Variants in PALLD observed in about 807,000 individuals in gnomAD.
PALLD encodes palladin.
PALLD carries 61 observed loss-of-function variants against 123.5 expected under a neutral mutation model. The observed-to-expected ratio is 0.49, with a 90% CI of 0.40 to 0.61. The LOEUF (loss-of-function observed/expected upper bound fraction) is 0.61, where lower values mean the gene tolerates loss of function less well. Among genes scored for constraint, PALLD ranks in the 20% least tolerant of loss-of-function variants. The pLI is 0.00. For synonymous variants in PALLD, 465 were observed against 496.4 expected (o/e 0.94, Z 0.84); for missense variants, 1,273 against 1,377.0 (o/e 0.92, Z 1.20).
Position 168,711,665 on chromosome 4 carries a change from T to G in PALLD, c.1706T>G (p.Leu569Trp), listed in dbSNP as rs1203221020. The change falls in exon 10 of 22, where the codon TTG becomes TGG. Residue 569 changes from leucine to tryptophan, a missense_variant. Leu to Trp is a moderately conservative substitution (Grantham distance 61). This residue lies in a region of PALLD where 944 missense variants were observed against 954.5 expected (regional missense o/e 0.99). Coordinates refer to ENST00000505667, the MANE Select transcript of PALLD (RefSeq NM_001166108.2). ...CACTTTCCACCTCCCCCTCCAATCT[T>G]GGAGACAAGTTCCTTGGAGTTGGCT... is the stretch of plus-strand genomic sequence containing the variant. ...FQHFPPPPPI[L>W]ETSSLELASK... The G allele has an allele frequency of 6.2e-7, 1 of 1,614,080 alleles. No individual in the cohort carries two copies.
intron 10 of PALLD, among the ~76,000 whole-genome samples, chr4:168,725,349 A>T (rs1193949434): frequency 6.6e-6 from 1 of 152,106 alleles, no homozygotes; most frequent in Non-Finnish European, 1.5e-5. Flanking sequence ...TTCTGGAAAG[A>T]CCACAAATAT....
At position 168,543,505 on chromosome 4, in the gene PALLD, A is replaced by T. The variant is rs542440302; in HGVS notation, c.908+31093A>T. Reference sequence around the variant, plus strand: ...TCCGCCACAGTTGTAAGAGAGAGACATTTCTACCTCCATAATGGTGTAGAT... The same window carrying T: ...TCCGCCACAGTTGTAAGAGAGAGACTTTTCTACCTCCATAATGGTGTAGAT... On this transcript the variant is annotated intron_variant, in intron 2 of 21. Coordinates refer to ENST00000505667, the MANE Select transcript of PALLD (RefSeq NM_001166108.2). 5.6e-4 allele frequency among the ~76,000 whole-genome samples: 85 copies of T among 152,120 alleles called. 3 individuals carry two copies. The South Asian group carries it at 0.012, about 22-fold the overall frequency.
chr4:168,854,416 A>G (rs942300619), intron 10 of PALLD, among the ~76,000 whole-genome samples: 8 of 152,230 alleles, frequency 5.3e-5, no homozygotes, highest in Non-Finnish European at 1.2e-4. Context: ...AAAAATACGT[A>G]TTGACAAAGC....
chr4:168,592,245 C>T (rs544192052), intron 2 of PALLD, among the ~76,000 whole-genome samples: 3 of 151,886 alleles, frequency 2.0e-5, no homozygotes, highest in East Asian at 3.9e-4. Flanking sequence ...AGGCTCGTGT[C>T]GAACTCCAGA....
At chr4:168,914,091 AATC>A in intron 16 of PALLD, 70 bp downstream of exon 16, 1 of 948,062 alleles carries the variant, frequency 1.1e-6, no homozygotes, top group South Asian at 1.3e-5. Context: ...GTACTATTAG[AATC>A]ATCATATGAC....
Position 168,632,370 on chromosome 4 carries a change from A to T in PALLD, c.909-35820A>T, listed in dbSNP as rs112351139. Among the ~76,000 whole-genome samples, 5 of 152,302 alleles carry T rather than the reference A, an allele frequency of 3.3e-5. 1 individual carries two copies. Among genetic ancestry groups the T allele is most frequent in the African/African-American group, 1.2e-4 (5 of 41,552 alleles). The stretch of plus-strand genomic sequence containing the variant: ...AGCAATCAATTTCTGACAGCCTAAG[A>T]GCTGCTCAGTTGCTGAATGAGGTCT... On this transcript the variant is annotated intron_variant, in intron 2 of 21. Coordinates refer to ENST00000505667, the MANE Select transcript of PALLD (RefSeq NM_001166108.2).
intron 2 of PALLD, among the ~76,000 whole-genome samples, chr4:168,625,532 A>AG (rs1775182973): frequency 3.2e-5 from 1 of 31,590 alleles, no homozygotes; most frequent in Non-Finnish European, 9.3e-5. Flanking sequence ...ATAAGGGGTT[A>AG]ATATTCAGGA....
intron 2 of PALLD, among the ~76,000 whole-genome samples, chr4:168,635,218 CT>C (rs1287103376): frequency 1.3e-5 from 2 of 152,122 alleles, no homozygotes; most frequent in Non-Finnish European, 2.9e-5. Context: ...GCTCAACCTC[CT>C]AAGGGTTCAA....
intron 10 of PALLD, among the ~76,000 whole-genome samples, chr4:168,884,799 C>T (rs115546420): frequency 0.012 from 1,774 of 152,254 alleles, 50 homozygotes; most frequent in African/African-American, 0.04. Flanking sequence ...TTTATCTCAG[C>T]CAATCTTGTC....
rs140811221 is a variant in PALLD at position 168,670,756 on chromosome 4, C to A, written c.1087+2388C>A. Among the ~76,000 whole-genome samples, 479 of 69,932 alleles carry A rather than the reference C, an allele frequency of 6.8e-3. 7 individuals carry two copies. Among genetic ancestry groups the A allele is most frequent in the African/African-American group, 0.018 (264 of 14,322 alleles). 45.9% of individuals were successfully genotyped at this position (69,932 alleles called of 152,430 possible). On this transcript the variant is annotated intron_variant, in intron 3 of 21. Transcript: ENST00000505667. Reference sequence around the variant, plus strand: ...CTCCGTCTCAAAAAAACAAAAAAAACAAAAAAAACAAAAAAAAACAAAAAA... The same window carrying A: ...CTCCGTCTCAAAAAAACAAAAAAAAAAAAAAAAACAAAAAAAAACAAAAAA...
chr4:168,802,950 C>A (rs1705553289), intron 10 of PALLD, among the ~76,000 whole-genome samples: 1 of 151,360 alleles, frequency 6.6e-6, no homozygotes, highest in Non-Finnish European at 1.5e-5. Context: ...CCTTGGCCTC[C>A]CAAAGTGCTG....
At chr4:168,689,272 T>G (rs1782376749) in intron 6 of PALLD, among the ~76,000 whole-genome samples, 2 of 152,122 alleles carry the variant, frequency 1.3e-5, no homozygotes. Context: ...CAGGACATCA[T>G]TTATTGTCCC....
At chr4:168,501,454 A>G (rs1761391818) in intron 1 of PALLD, among the ~76,000 whole-genome samples, 1 of 152,198 alleles carries the variant, frequency 6.6e-6, no homozygotes, top group Non-Finnish European at 1.5e-5. Flanking sequence ...GGGAGTTAAC[A>G]AAATAGGTCA....
At chr4:168,918,255 C>G (rs1760644716) in intron 17 of PALLD, among the ~76,000 whole-genome samples, 1 of 150,780 alleles carries the variant, frequency 6.6e-6, no homozygotes, top group Non-Finnish European at 1.5e-5. Flanking sequence ...TTCATTGCAG[C>G]ACTATTCATA....
At chr4:168,824,320 A>G (rs1349386076) in intron 10 of PALLD, among the ~76,000 whole-genome samples, 1 of 152,118 alleles carries the variant, frequency 6.6e-6, no homozygotes, top group Non-Finnish European at 1.5e-5. Flanking sequence ...TACTTTTTAA[A>G]TGATATTCTA....
chr4:168,516,481 ATTAT>A (rs989437703), intron 2 of PALLD, among the ~76,000 whole-genome samples: 7 of 152,102 alleles, frequency 4.6e-5, no homozygotes, highest in African/African-American at 1.7e-4. Context: ...TTTTAAAGGT[ATTAT>A]TTATTTATTT....
At position 168,512,014 on chromosome 4, in the gene PALLD, C is replaced by A; in HGVS notation, c.510C>A (p.Asp170Glu). The A allele has an allele frequency of 6.2e-7, 1 of 1,614,230 alleles. No individual in the cohort carries two copies. The highest frequency in any genetic ancestry group is 8.5e-7 in the Non-Finnish European group (1 of 1,180,038). The change falls in exon 2 of 22, where the codon GAC (aspartate) becomes GAA (glutamate). Residue 170 changes from aspartate to glutamate, a missense_variant. Asp to Glu is a conservative substitution (Grantham distance 45). Transcript: ENST00000505667. ...RKGGPQSQLCDKAANLIEELT... is the reference protein window; with the variant it reads ...RKGGPQSQLCEKAANLIEELT... ...GTGGCCCCCAGAGCCAGCTGTGTGA[C>A]AAGGCAGCTAATTTAATTGAGGAGC...
intron 2 of PALLD, among the ~76,000 whole-genome samples, chr4:168,626,421 A>AAAG (rs1561319309): frequency 2.2e-5 from 3 of 139,392 alleles, no homozygotes; most frequent in East Asian, 2.1e-4. Context: ...AAAAAAAAAA[A>AAAG]GGTGGTGACT....
chr4:168,622,713 T>G (rs888557008), intron 2 of PALLD, among the ~76,000 whole-genome samples: 6 of 152,226 alleles, frequency 3.9e-5, no homozygotes, highest in African/African-American at 1.4e-4. Flanking sequence ...TTTATGCTTT[T>G]AAATCTGAAT....
Sources: allele counts gnomAD v4.1 joint callset (sites outside exome capture counted in the v4.1 genomes callset), GRCh38; gene constraint gnomAD v4.1.1; regional missense constraint gnomAD v4.1.1; transcripts MANE v1.5; gene names NCBI Gene and HGNC (gene_info 2026-07-23, HGNC 2026-07-21).